Variants in NRG1 observed in about 807,000 individuals in gnomAD.
The protein encoded by NRG1 is pro-neuregulin-1, membrane-bound isoform.
In NRG1, 18 loss-of-function variants were observed where a neutral mutation model predicts 63.8. The ratio of observed to expected loss-of-function variants is 0.28; its 90% CI spans 0.19 to 0.42. NRG1 has a LOEUF of 0.42. Among genes scored for constraint, NRG1 ranks in the 10% least tolerant of loss-of-function variants. NRG1 has a pLI of 1.00. For synonymous variants in NRG1, 302 were observed against 301.3 expected (o/e 1.00, Z -0.02); for missense variants, 762 against 814.7 (o/e 0.94, Z 0.79).
chr8:31,768,020 C>A (rs1214330365), intron 1 of NRG1, among the ~76,000 whole-genome samples: 1 of 152,124 alleles, frequency 6.6e-6, no homozygotes, highest in East Asian at 1.9e-4. Flanking sequence ...CCACATTTAT[C>A]TTCTCTATCA....
intron 7 of NRG1, among the ~76,000 whole-genome samples, chr8:32,744,068 T>C (rs1826990142): frequency 6.6e-6 from 1 of 152,124 alleles, no homozygotes. Flanking sequence ...TCACATAGCT[T>C]ACTGCAGTTT....
At chr8:31,985,631 C>T (rs1164904432) in intron 1 of NRG1, among the ~76,000 whole-genome samples, 1 of 151,768 alleles carries the variant, frequency 6.6e-6, no homozygotes, top group African/African-American at 2.4e-5. Flanking sequence ...GGGAGTATTT[C>T]TACCTCAAAG....
intron 1 of NRG1, among the ~76,000 whole-genome samples, chr8:32,334,753 T>C (rs1803048319): frequency 6.6e-6 from 1 of 152,220 alleles, no homozygotes; most frequent in African/African-American, 2.4e-5. Flanking sequence ...TGAAATTGGT[T>C]ATTAATGTTT....
chr8:32,107,263 T>C (rs1831410057), intron 1 of NRG1, among the ~76,000 whole-genome samples: 1 of 152,048 alleles, frequency 6.6e-6, no homozygotes, highest in South Asian at 2.1e-4. Context: ...ACAATTGGGA[T>C]CTATTTTTAG....
At chr8:32,158,244 T>C (rs370386134) in intron 1 of NRG1, among the ~76,000 whole-genome samples, 36 of 151,900 alleles carry the variant, frequency 2.4e-4, no homozygotes, top group African/African-American at 7.5e-4. Flanking sequence ...CAACTAGGGT[T>C]GGTCATGGCT....
intron 1 of NRG1, among the ~76,000 whole-genome samples, chr8:31,680,710 C>G (rs1053133957): frequency 1.3e-5 from 2 of 151,872 alleles, no homozygotes; most frequent in Non-Finnish European, 2.9e-5. Context: ...CCTGAGGAAT[C>G]GCCACACTGA....
intron 1 of NRG1, among the ~76,000 whole-genome samples, chr8:31,955,980 G>A (rs1333535573): frequency 2.7e-5 from 4 of 148,550 alleles, no homozygotes; most frequent in African/African-American, 1.0e-4. Flanking sequence ...GATCAAGGCT[G>A]CAGTGAGCCA....
intron 1 of NRG1, among the ~76,000 whole-genome samples, chr8:31,846,920 G>A (rs1826743067): frequency 6.6e-6 from 1 of 152,180 alleles, no homozygotes; most frequent in Non-Finnish European, 1.5e-5. Flanking sequence ...AGGTGGTAAT[G>A]TATCAAGAGG....
intron 1 of NRG1, among the ~76,000 whole-genome samples, chr8:32,527,805 T>G (rs529849515): frequency 6.6e-6 from 1 of 152,328 alleles, no homozygotes; most frequent in Admixed American, 6.5e-5. Context: ...CCCAGTTGCT[T>G]AGGTGGAAAT....
intron 1 of NRG1, among the ~76,000 whole-genome samples, chr8:32,407,279 ATATATATATATATAT>A (rs1324617303): frequency 2.4e-4 from 11 of 45,598 alleles, no homozygotes; most frequent in African/African-American, 8.4e-4. Flanking sequence ...TATATATTAT[ATATATATATATATAT>A]TATATATATA....
chr8:32,469,978 C>G (rs1180134974), intron 1 of NRG1, among the ~76,000 whole-genome samples: 2 of 151,896 alleles, frequency 1.3e-5, no homozygotes, highest in African/African-American at 2.4e-5. Context: ...CTGCCTCAGC[C>G]TCCCGAGTAG....
downstream of NRG1, among the ~76,000 whole-genome samples, chr8:32,770,479 C>A (rs925192745): frequency 6.6e-6 from 1 of 152,208 alleles, no homozygotes; most frequent in African/African-American, 2.4e-5. Context: ...TATTTTCAAC[C>A]TTTATGTATA....
At chr8:32,047,232 A>C (rs1309044100) in intron 1 of NRG1, among the ~76,000 whole-genome samples, 1 of 152,078 alleles carries the variant, frequency 6.6e-6, no homozygotes, top group Non-Finnish European at 1.5e-5. Flanking sequence ...AATTCACCCA[A>C]GGCACATTTG....
intron 1 of NRG1, among the ~76,000 whole-genome samples, chr8:32,585,264 A>G (rs776732289): frequency 2.6e-5 from 4 of 152,194 alleles, no homozygotes; most frequent in Non-Finnish European, 4.4e-5. Flanking sequence ...TGTCATGTGA[A>G]CTTTGCTACA....
At chr8:31,775,781 G>T (rs1159554379) in intron 1 of NRG1, among the ~76,000 whole-genome samples, 1 of 150,108 alleles carries the variant, frequency 6.7e-6, no homozygotes, top group Non-Finnish European at 1.5e-5. Context: ...TACTCGGGAG[G>T]CTGAGGCAGG....
intron 5 of NRG1, among the ~76,000 whole-genome samples, chr8:32,695,726 C>T (rs991949100): frequency 3.9e-5 from 6 of 152,126 alleles, no homozygotes; most frequent in East Asian, 1.9e-4. Context: ...ATGGTCAGAA[C>T]GACCTTCTTT....
At chr8:32,504,657 G>A (rs552509012) in intron 1 of NRG1, among the ~76,000 whole-genome samples, 2 of 152,054 alleles carry the variant, frequency 1.3e-5, no homozygotes, top group Non-Finnish European at 1.5e-5. Flanking sequence ...TTTAGCCACA[G>A]GTCAGGTATA....
At chr8:32,337,682 A>AAAAAAAAAAAAT (rs1554511693) in intron 1 of NRG1, among the ~76,000 whole-genome samples, 2 of 116,632 alleles carry the variant, frequency 1.7e-5, no homozygotes, top group Non-Finnish European at 3.8e-5. Flanking sequence ...AAAAAAAAAA[A>AAAAAAAAAAAAT]GCTGATGCAG....
intron 1 of NRG1, among the ~76,000 whole-genome samples, chr8:32,273,056 T>C (rs1281322187): frequency 2.0e-5 from 3 of 152,158 alleles, no homozygotes; most frequent in African/African-American, 7.2e-5. Context: ...TCTCCATAAA[T>C]TTGCCAAAGT....
Sources: allele counts gnomAD v4.1 joint callset (sites outside exome capture counted in the v4.1 genomes callset), GRCh38; gene constraint gnomAD v4.1.1; transcripts MANE v1.5; gene names NCBI Gene and HGNC (gene_info 2026-07-23, HGNC 2026-07-21).